Variants in FLRT2 observed in about 807,000 individuals in gnomAD.
FLRT2 encodes the protein leucine-rich repeat transmembrane protein FLRT2.
In FLRT2, 15 loss-of-function variants were observed where a neutral mutation model predicts 40.0. The observed-to-expected ratio is 0.38, with a 90% confidence interval of 0.25 to 0.58. FLRT2 has a LOEUF of 0.58. Ranked by LOEUF, FLRT2 falls within the 20% of genes least tolerant of loss-of-function variation. FLRT2 has a pLI of 0.71. For missense variants in FLRT2, 726 were observed against 840.0 expected (o/e 0.86, Z 1.68); for synonymous variants, 380 against 336.8 (o/e 1.13, Z -1.41).
At chr14:85,587,091 A>T (rs537570493) in intron 1 of FLRT2, among the ~76,000 whole-genome samples, 1 of 152,148 alleles carries the variant, frequency 6.6e-6, no homozygotes, top group Non-Finnish European at 1.5e-5. Context: ...TCTATCTAAG[A>T]CAAAGGTATT....
chr14:85,540,801 A>G (rs1888943486), intron 1 of FLRT2, among the ~76,000 whole-genome samples: 1 of 152,118 alleles, frequency 6.6e-6, no homozygotes, highest in Non-Finnish European at 1.5e-5. Flanking sequence ...AACATGGAAA[A>G]TTACTTGCAT....
At chr14:85,573,772 G>A (rs1891002106) in intron 1 of FLRT2, among the ~76,000 whole-genome samples, 1 of 152,208 alleles carries the variant, frequency 6.6e-6, no homozygotes, top group South Asian at 2.1e-4. Context: ...AAGTAGTCCA[G>A]GACAGTATTT....
At position 85,651,790 on chromosome 14, in the gene FLRT2, ATG is replaced by A. The variant is rs1411319168; in HGVS notation, c.*28295_*28296del. 4 of 152,084 alleles carry A rather than the reference ATG, an allele frequency of 2.6e-5. No homozygotes were observed. In the East Asian group the frequency reaches 5.8e-4, roughly 22 times the overall value. The allele number at this position is 152,084 out of a possible 1,614,324, so 9.4% of individuals were successfully genotyped here. On this transcript the variant is annotated 3_prime_UTR_variant, in exon 2 of 2. Transcript: ENST00000330753. ...TTCCCTCAATGGATTTGGAAGATAT[ATG>A]TTCTATTTTTATTTCTGTTGTTGGT...
At chr14:85,550,464 G>A (rs1203804846) in intron 1 of FLRT2, among the ~76,000 whole-genome samples, 2 of 152,204 alleles carry the variant, frequency 1.3e-5, no homozygotes, top group East Asian at 3.9e-4. Flanking sequence ...GACGTGATAT[G>A]AGACACATTT....
chr14:85,544,723 G>T (rs1298725586), intron 1 of FLRT2, among the ~76,000 whole-genome samples: 1 of 152,130 alleles, frequency 6.6e-6, no homozygotes, highest in African/African-American at 2.4e-5. Context: ...TGTGTTGATG[G>T]TTACAGGAAG....
intron 1 of FLRT2, among the ~76,000 whole-genome samples, chr14:85,581,060 G>A (rs1470109264): frequency 1.3e-5 from 2 of 152,022 alleles, no homozygotes; most frequent in Non-Finnish European, 2.9e-5. Flanking sequence ...ACAGGCATTC[G>A]CTTATTTCGG....
At chr14:85,555,586 A>G (rs1169583270) in intron 1 of FLRT2, among the ~76,000 whole-genome samples, 1 of 152,218 alleles carries the variant, frequency 6.6e-6, no homozygotes, top group Non-Finnish European at 1.5e-5. Context: ...GGTCCCTCCC[A>G]TAACCGGTGG....
At chr14:85,590,701 G>T (rs1891844299) in intron 1 of FLRT2, among the ~76,000 whole-genome samples, 1 of 152,110 alleles carries the variant, frequency 6.6e-6, no homozygotes, top group Non-Finnish European at 1.5e-5. Context: ...CCCGGTTCAA[G>T]CAATTCTCTG....
At chr14:85,533,716 C>T (rs1888449727) in intron 1 of FLRT2, among the ~76,000 whole-genome samples, 1 of 151,970 alleles carries the variant, frequency 6.6e-6, no homozygotes, top group Non-Finnish European at 1.5e-5. Flanking sequence ...CGGGGGAAGA[C>T]GATGCCGCAG....
At position 85,580,755 on chromosome 14, in the gene FLRT2, C is replaced by T. The variant is rs372408772; in HGVS notation, c.-376-40384C>T. ...AGGAAATGGGTGTAGAGCAAGCGTT[C>T]CTGTGTTTCTAGCGGATTGAGAAAA... On this transcript the variant is annotated intron_variant, in intron 1 of 1. Coordinates refer to ENST00000330753, the MANE Select transcript of FLRT2 (RefSeq NM_013231.6). Among the ~76,000 whole-genome samples, 1,471 of 151,928 alleles carry T rather than the reference C, an allele frequency of 9.7e-3. 22 individuals are homozygous for T. Among genetic ancestry groups the T allele is most frequent in the African/African-American group, 0.031 (1,298 of 41,428 alleles).
At chr14:85,561,712 A>G (rs1414721464) in intron 1 of FLRT2, among the ~76,000 whole-genome samples, 1 of 152,254 alleles carries the variant, frequency 6.6e-6, no homozygotes, top group Non-Finnish European at 1.5e-5. Flanking sequence ...GAATACAATG[A>G]TAAAGTAGGA....
rs1468338085 is a variant in FLRT2 at position 85,649,802 on chromosome 14, T to C, written c.*26305T>C. The C allele has an allele frequency of 6.6e-6, 1 of 152,094 alleles. No individual in the cohort carries two copies. Among genetic ancestry groups the C allele is most frequent in the Non-Finnish European group, 1.5e-5 (1 of 67,990 alleles). 9.4% of individuals were successfully genotyped at this position (152,094 alleles called of 1,614,324 possible). ...AGTTTCAAAGGAGAGAGAGTGTTTT[T>C]GGTAAAGGCAATAAATTATTTTTTA... On this transcript the variant is annotated 3_prime_UTR_variant, in exon 2 of 2. Transcript: ENST00000330753.
rs1893578042 is a variant in FLRT2 at position 85,624,465 on chromosome 14, C to A, written c.*968C>A. 1 of 166,998 alleles carries A rather than the reference C, an allele frequency of 6.0e-6. No individual in the cohort carries two copies. The highest frequency in any genetic ancestry group is 2.4e-5 in the African/African-American group (1 of 41,422). The allele number at this position is 166,998 out of a possible 1,614,324, so 10.3% of individuals were successfully genotyped here. A position where few individuals can be genotyped will look rare whatever the true frequency, so the allele number is the denominator to read the frequency against. On this transcript the variant is annotated 3_prime_UTR_variant, in exon 2 of 2. Transcript: ENST00000330753. ...AGGCTATGTCAACATGATATTTAGA[C>A]CAACAGGTGATCAATGTTTGGAAAA...
intron 1 of FLRT2, among the ~76,000 whole-genome samples, chr14:85,566,572 T>TGTGTGTGTGTGTGTGTGTGTGTGTGC (rs1218679592): frequency 6.6e-6 from 1 of 151,778 alleles, no homozygotes; most frequent in African/African-American, 2.4e-5. Context: ...TGTGTGTGTG[T>TGTGTGTGTGTGTGTGTGTGTGTGTGC]GTGTGCAAGA....
intron 1 of FLRT2, among the ~76,000 whole-genome samples, chr14:85,587,484 A>G (rs1240281432): frequency 1.3e-5 from 2 of 152,090 alleles, no homozygotes; most frequent in East Asian, 3.9e-4. Flanking sequence ...ACCACCTAAA[A>G]CAGAAAAAGC....
Position 85,611,397 on chromosome 14 carries a change from C to T in FLRT2, c.-376-9742C>T, listed in dbSNP as rs189962899. Among the ~76,000 whole-genome samples the T allele has an allele frequency of 2.7e-3, 412 of 152,210 alleles. 3 individuals are homozygous for T. The highest frequency in any genetic ancestry group is 3.3e-3 in the Non-Finnish European group (223 of 68,014). On this transcript the variant is annotated intron_variant, in intron 1 of 1. Coordinates refer to ENST00000330753, the MANE Select transcript of FLRT2 (RefSeq NM_013231.6). ...ACCTTTGCTTTTCTAGAGAGGGTTG[C>T]GGGCTAATCCAAAAGAATTGGTTTA...
rs75452864 is a variant in FLRT2 at position 85,606,860 on chromosome 14, G to A, written c.-376-14279G>A. Among the ~76,000 whole-genome samples the A allele has an allele frequency of 9.4e-3, 1,412 of 150,992 alleles. 17 individuals carry two copies. The highest frequency in any genetic ancestry group is 0.028 in the Middle Eastern group (8 of 290). ...CTTATTTCCATGCTTGGTAGTCTAT[G>A]ATAGTGTCTCTCAAACTTCTTGCAT... On this transcript the variant is annotated intron_variant, in intron 1 of 1. Transcript: ENST00000330753.
At chr14:85,551,823 C>T (rs1314838240) in intron 1 of FLRT2, 1 of 152,158 alleles carries the variant, frequency 6.6e-6, no homozygotes, top group Non-Finnish European at 1.5e-5. Context: ...TTGTAACTCA[C>T]ATATTTTTTA....
At chr14:85,601,564 A>G (rs1892378893) in intron 1 of FLRT2, among the ~76,000 whole-genome samples, 1 of 152,152 alleles carries the variant, frequency 6.6e-6, no homozygotes, top group Non-Finnish European at 1.5e-5. Flanking sequence ...CATAGGAAAA[A>G]GCACAACTCT....
Sources: gnomAD v4.1 joint callset for allele counts (sites outside exome capture counted in the v4.1 genomes callset) on GRCh38, gnomAD v4.1.1 for gene constraint, MANE v1.5 for transcripts, NCBI Gene and HGNC (gene_info 2026-07-23, HGNC 2026-07-21) for gene names.